Variants in TMEM30A observed in about 807,000 individuals in gnomAD.
TMEM30A encodes the protein cell cycle control protein 50A.
TMEM30A carries 24 observed loss-of-function variants against 38.2 expected under a neutral mutation model. That is an observed-to-expected ratio of 0.63 (90% CI 0.46 to 0.88). The LOEUF (loss-of-function observed/expected upper bound fraction) is 0.88. TMEM30A is among the 40% of genes least tolerant of loss of function. The probability of loss-of-function intolerance (pLI) is 0.00; values close to 1 mark genes in which losing one functional copy is unlikely to be tolerated. For missense variants in TMEM30A, 370 were observed against 458.6 expected (o/e 0.81, Z 1.77); for synonymous variants, 145 against 161.6 (o/e 0.90, Z 0.78).
intron 1 of TMEM30A, among the ~76,000 whole-genome samples, chr6:75,282,518 G>C (rs565852455): frequency 6.6e-6 from 1 of 151,998 alleles, no homozygotes; most frequent in Admixed American, 6.6e-5. Context: ...ATTATCTTAA[G>C]AAGTTTAAAT....
At chr6:75,272,973 G>T (rs953179188) in intron 1 of TMEM30A, 1 of 152,232 alleles carries the variant, frequency 6.6e-6, no homozygotes, top group Non-Finnish European at 1.5e-5. Flanking sequence ...ACAAAGAGTG[G>T]ATGTGATTAA....
chr6:75,256,862 A>T, intron 6 of TMEM30A: 2 of 437,372 alleles, frequency 4.6e-6, no homozygotes, highest in Non-Finnish European at 9.1e-6. Context: ...GTGGCAGTGA[A>T]GGGTGGGCTG....
Position 75,256,092 on chromosome 6 carries a change from T to C in TMEM30A, c.*10A>G, listed in dbSNP as rs892231756. ...TGCACATGCAGATGATTTGCTTTCA[T>C]AATATAAAATTAAATGGTAATGTCA... On this transcript the variant is annotated 3_prime_UTR_variant, in exon 7 of 7. Coordinates refer to ENST00000230461, the MANE Select transcript of TMEM30A (RefSeq NM_018247.4). 76 of 1,580,714 alleles carry C rather than the reference T, an allele frequency of 4.8e-5. No individual in the cohort carries two copies. The highest frequency in any genetic ancestry group is 6.5e-5 in the Non-Finnish European group (75 of 1,155,024).
chr6:75,270,325 T>C (rs1448234875), intron 1 of TMEM30A, among the ~76,000 whole-genome samples: 1 of 152,210 alleles, frequency 6.6e-6, no homozygotes, highest in Non-Finnish European at 1.5e-5. Context: ...ATATGCTTAC[T>C]TGCCACCTGA....
chr6:75,265,301 T>C lies in TMEM30A; in HGVS notation c.383A>G (p.Tyr128Cys). Residue 128 changes from tyrosine to cysteine, a missense_variant, in exon 3 of 7, where the codon TAT (tyrosine) becomes TGT (cysteine). Transcript: ENST00000230461. ...VFMYYGLSNF[Y>C]QNHRRYVKSR... ...TTTCACGTAACGACGATGGTTTTGA[T>C]AGAAATTAGACAGTCCATAATACAT... 1 of 1,611,896 alleles carries C rather than the reference T, an allele frequency of 6.2e-7. No individual in the cohort carries two copies. The highest frequency in any genetic ancestry group is 8.5e-7 in the Non-Finnish European group (1 of 1,178,894).
rs1405998566 is a variant in TMEM30A, at chr6:75,284,575, T to C, written c.64A>G (p.Thr22Ala). ...DGGPPCAPGGTAKTRRPDNTA... is the reference protein window; with the variant it reads ...DGGPPCAPGGAAKTRRPDNTA... ...TTATCCGGTCTCCGAGTCTTCGCGG[T>C]GCCCCCCGGAGCACACGGGGGCCCA... The change falls in exon 1 of 7, where the codon ACC (threonine) becomes GCC (alanine). Residue 22 changes from threonine to alanine, a missense_variant. Coordinates refer to ENST00000230461, the MANE Select transcript of TMEM30A (RefSeq NM_018247.4). 1 of 1,613,502 alleles carries C rather than the reference T, an allele frequency of 6.2e-7. No homozygotes were observed. Among genetic ancestry groups the C allele is most frequent in the South Asian group, 1.1e-5 (1 of 91,038 alleles).
intron 1 of TMEM30A, among the ~76,000 whole-genome samples, chr6:75,281,124 T>C (rs1772351112): frequency 6.6e-6 from 1 of 152,148 alleles, no homozygotes. Context: ...CAACACTAAC[T>C]TGAAGTAAAT....
intron 1 of TMEM30A, among the ~76,000 whole-genome samples, chr6:75,281,053 C>A (rs932928265): frequency 6.6e-6 from 1 of 151,948 alleles, no homozygotes; most frequent in Admixed American, 6.6e-5. Context: ...GTTTATCAAA[C>A]GTGGGGAATG....
chr6:75,281,496 T>C (rs373505475), intron 1 of TMEM30A, among the ~76,000 whole-genome samples: 2 of 152,240 alleles, frequency 1.3e-5, no homozygotes, highest in African/African-American at 4.8e-5. Context: ...CTAAACAAGA[T>C]ACATAAACCT....
At chr6:75,274,943 G>A (rs1207724916) in intron 1 of TMEM30A, among the ~76,000 whole-genome samples, 7 of 151,416 alleles carry the variant, frequency 4.6e-5, no homozygotes, top group Non-Finnish European at 8.8e-5. Context: ...CCTGGGAGGC[G>A]GAGCTTGCAG....
At chr6:75,281,637 A>T (rs370594408) in intron 1 of TMEM30A, among the ~76,000 whole-genome samples, 13 of 152,286 alleles carry the variant, frequency 8.5e-5, no homozygotes, top group African/African-American at 3.1e-4. Context: ...AATGAGAAAA[A>T]TCCAGTGATT....
intron 1 of TMEM30A, among the ~76,000 whole-genome samples, chr6:75,283,372 C>T (rs1772393107): frequency 6.6e-6 from 1 of 151,142 alleles, no homozygotes; most frequent in Non-Finnish European, 1.5e-5. Flanking sequence ...GAACTTGGTA[C>T]TAGTTCCTGC....
intron 4 of TMEM30A, 43 bp downstream of exon 4, chr6:75,260,781 A>G: frequency 1.6e-6 from 2 of 1,231,666 alleles, no homozygotes; most frequent in Non-Finnish European, 1.1e-6. Context: ...AATTATGCAA[A>G]TTGTCCTAAT....
chr6:75,260,926 GA>G lies in TMEM30A; in HGVS notation c.454-16del. ...TTACTGGGATTCTGGTTTTTACAAG[GA>G]AAAGAAGAGAGAAATTATTATCCAG... is the stretch of plus-strand genomic sequence containing the variant. On this transcript the variant is annotated splice_polypyrimidine_tract_variant and intron_variant, in intron 3 of 6. Transcript: ENST00000230461. 2 of 1,558,472 alleles carry G rather than the reference GA, an allele frequency of 1.3e-6. No homozygotes were observed. Among genetic ancestry groups the G allele is most frequent in the Non-Finnish European group, 1.7e-6 (2 of 1,149,296 alleles).
chr6:75,260,421 A>G (rs1486956383), intron 4 of TMEM30A, among the ~76,000 whole-genome samples: 1 of 150,910 alleles, frequency 6.6e-6, no homozygotes, highest in Non-Finnish European at 1.5e-5. Flanking sequence ...AAGAAAAAGG[A>G]AAAAAAAAAA....
intron 6 of TMEM30A, 141 bp from the exon 7 acceptor site, chr6:75,256,436 A>T (rs376351524): frequency 3.1e-4 from 1 of 3,186 alleles, no homozygotes; most frequent in Non-Finnish European, 1.5e-3. Context: ...GTTCTAAATC[A>T]CACACACACA....
chr6:75,259,849 G>A (rs1771933473), intron 4 of TMEM30A, among the ~76,000 whole-genome samples: 1 of 152,078 alleles, frequency 6.6e-6, no homozygotes, highest in African/African-American at 2.4e-5. Flanking sequence ...TGTTTGCATT[G>A]TCTCATACAA....
rs771611435 is a variant in TMEM30A, at chr6:75,256,288, A to G, written c.900T>C (p.Pro300=). ...RYSLNVTYNY[P]VHYFDGRKRM... Reference sequence around the variant, plus strand: ...GTTTTCGTCCATCAAAATAATGTACAGGGTAATCTGAAGAGGGTATAGGAA... The same window carrying G: ...GTTTTCGTCCATCAAAATAATGTACGGGGTAATCTGAAGAGGGTATAGGAA... The change falls in exon 7 of 7, where the codon CCT becomes CCC. Residue 300 remains proline (P), a synonymous_variant. Transcript: ENST00000230461. 3 of 1,612,272 alleles carry G rather than the reference A, an allele frequency of 1.9e-6. No homozygotes were observed. The highest frequency in any genetic ancestry group is 2.2e-5 in the East Asian group (1 of 44,840).
Position 75,256,020 on chromosome 6 carries a change from AC to A in TMEM30A, c.*81del. The A allele has an allele frequency of 1.0e-6, 1 of 977,854 alleles. No individual in the cohort carries two copies. The highest frequency in any genetic ancestry group is 2.6e-5 in the East Asian group (1 of 37,982). 60.6% of individuals were successfully genotyped at this position (977,854 alleles called of 1,614,324 possible). A position where few individuals can be genotyped will look rare whatever the true frequency, so the allele number is the denominator to read the frequency against. On this transcript the variant is annotated 3_prime_UTR_variant, in exon 7 of 7. Transcript: ENST00000230461. Reference sequence around the variant, plus strand: ...GTGCCAACTTCAAAATGACATACTAACCAGATATCAGCATTCGAAAGCTAGG... The same window carrying A: ...GTGCCAACTTCAAAATGACATACTAACAGATATCAGCATTCGAAAGCTAGG...
Sources: allele counts gnomAD v4.1 joint callset (sites outside exome capture counted in the v4.1 genomes callset), GRCh38; gene constraint gnomAD v4.1.1; transcripts MANE v1.5; gene names NCBI Gene and HGNC (gene_info 2026-07-23, HGNC 2026-07-21).